LSS: variants seen among roughly 807,000 people sequenced by gnomAD.
LSS encodes lanosterol synthase.
Under a neutral mutation model 110.3 loss-of-function variants are expected in LSS, and 90 were observed. The ratio of observed to expected loss-of-function variants is 0.82; its 90% confidence interval spans 0.69 to 0.97. The LOEUF is 0.97. LSS is among the 50% of genes least tolerant of loss of function. The pLI is 0.00. For missense variants in LSS, 927 were observed against 990.0 expected (o/e 0.94, Z 0.85); for synonymous variants, 433 against 400.0 (o/e 1.08, Z -0.98).
At position 46,216,426 on chromosome 21, in the gene LSS, C is replaced by T; in HGVS notation, c.746G>A (p.Ser249Asn). 1 of 1,613,872 alleles carries T rather than the reference C, an allele frequency of 6.2e-7. No individual in the cohort carries two copies. The highest frequency in any genetic ancestry group is 8.5e-7 in the Non-Finnish European group (1 of 1,180,030). Reference sequence around the variant, plus strand: ...CTGGACCAGCGGGTCTTCCGCGGCACTCAGCCGAACGGCGTAGCAGTAGCT... The same window carrying T: ...CTGGACCAGCGGGTCTTCCGCGGCATTCAGCCGAACGGCGTAGCAGTAGCT... ...PMSYCYAVRL[S>N]AAEDPLVQSL... Residue 249 changes from serine to asparagine, a missense_variant, in exon 7 of 22, where the codon AGT becomes AAT. Physicochemically the swap from Ser to Asn is conservative, Grantham distance 46. Coordinates refer to ENST00000397728, the MANE Select transcript of LSS (RefSeq NM_002340.6). The surrounding 1 kb of genome is among the most constrained non-coding windows in gnomAD (Gnocchi z 4.2).
intron 3 of LSS, among the ~76,000 whole-genome samples, chr21:46,225,737 C>T (rs535867257): frequency 9.8e-5 from 15 of 152,286 alleles, no homozygotes; most frequent in South Asian, 2.1e-4. Context: ...CTCTCTGCCT[C>T]GGCTGCCAGG....
At chr21:46,207,635 C>T (rs1394393472) in intron 14 of LSS, 58 bp from the exon 15 acceptor site, 1 of 1,563,766 alleles carries the variant, frequency 6.4e-7, no homozygotes, top group East Asian at 2.3e-5. Flanking sequence ...GTTCTCAGAA[C>T]CTCCCCACAG....
chr21:46,220,424 A>C (rs548875720), intron 5 of LSS: 20 of 152,468 alleles, frequency 1.3e-4, no homozygotes, highest in African/African-American at 4.1e-4. Flanking sequence ...GGTCAGGAAG[A>C]GGTCCTCAAA....
At chr21:46,205,006 A>G (rs917894808) in intron 17 of LSS, among the ~76,000 whole-genome samples, 1 of 152,216 alleles carries the variant, frequency 6.6e-6, no homozygotes, top group Non-Finnish European at 1.5e-5. Flanking sequence ...AAGTAAAAAA[A>G]TGTAATCGTG....
chr21:46,206,895 A>G, intron 15 of LSS, 127 bp from the exon 16 acceptor site: 1 of 718,110 alleles, frequency 1.4e-6, no homozygotes, highest in Non-Finnish European at 2.4e-6. Context: ...CAGGGGGCGG[A>G]GAGCTGATTT....
At chr21:46,220,420 G>T (rs2080260836) in intron 5 of LSS, 1 of 152,366 alleles carries the variant, frequency 6.6e-6, no homozygotes, top group Non-Finnish European at 1.5e-5. Flanking sequence ...GGTAGGTCAG[G>T]AAGAGGTCCT....
At chr21:46,223,134 T>A (rs754996880) in intron 3 of LSS, among the ~76,000 whole-genome samples, 2 of 152,228 alleles carry the variant, frequency 1.3e-5, no homozygotes, top group African/African-American at 4.8e-5. Context: ...TGCTTTAACA[T>A]CTGCTGGGAA....
rs776090400 is a variant in LSS at position 46,215,254 on chromosome 21, G to A, written c.937C>T (p.Gln313Ter). 1.2e-6 allele frequency: 2 copies of A among 1,611,006 alleles called. No individual in the cohort carries two copies. The highest frequency in any genetic ancestry group is 1.7e-6 in the Non-Finnish European group (2 of 1,179,886). Reference protein sequence around the residue: ...YEHHHSAHLRQRAVQKLYEHI... With the variant: ...YEHHHSAHLR Reference sequence around the variant, plus strand: ...TCATACAGCTTCTGCACGGCCCGCTGCCGCAGGTGGGCACTGTGGTGGTGC... The same window carrying A: ...TCATACAGCTTCTGCACGGCCCGCTACCGCAGGTGGGCACTGTGGTGGTGC... The change falls in exon 9 of 22, where the codon CAG becomes TAG. Residue 313 changes from glutamine to a stop codon, truncating the protein, a stop_gained. Coordinates refer to ENST00000397728, the MANE Select transcript of LSS (RefSeq NM_002340.6). LOFTEE classifies it high-confidence loss of function.
Position 46,228,555 on chromosome 21 carries a change from G to T in LSS, c.59C>A (p.Thr20Asn). Residue 20 changes from threonine to asparagine, a missense_variant, in exon 2 of 22, where the codon ACC becomes AAC. By Grantham distance (65) the Thr-to-Asn change is moderately conservative. Transcript: ENST00000397728. ...GTTGAGTCGCCAGCGGCCGAGGTCG[G>T]TGGCGGGCTCGGTCTTGTAGGGGCC... ...RGGPYKTEPATDLGRWRLNCE... is the reference protein window; with the variant it reads ...RGGPYKTEPANDLGRWRLNCE... 1 of 1,596,608 alleles carries T rather than the reference G, an allele frequency of 6.3e-7. No homozygotes were observed. The highest frequency in any genetic ancestry group is 8.5e-7 in the Non-Finnish European group (1 of 1,177,718).
rs1282861223 is a variant in LSS at position 46,205,874 on chromosome 21, G to A, written c.1632C>T (p.Phe544=). 6.2e-7 allele frequency: 1 copy of A among 1,610,800 alleles called. No individual in the cohort carries two copies. Among genetic ancestry groups the A allele is most frequent in the Non-Finnish European group, 8.5e-7 (1 of 1,178,732 alleles). ...CCCTGTGCTCCGGGAAACGCTTGTG[G>A]AAATACTTAAGCGCCTGCATCACGG... The part of the protein sequence containing the change: ...TSAVMQALKY[F]HKRFPEHRAA... The change falls in exon 17 of 22, where the codon TTC becomes TTT. Residue 544 remains phenylalanine, a synonymous_variant. Coordinates refer to ENST00000397728, the MANE Select transcript of LSS (RefSeq NM_002340.6).
At chr21:46,214,501 G>C (rs1281854288) in intron 9 of LSS, among the ~76,000 whole-genome samples, 1 of 152,216 alleles carries the variant, frequency 6.6e-6, no homozygotes, top group African/African-American at 2.4e-5. Context: ...GTCAGGGTGG[G>C]ACTCAGTGGC....
At chr21:46,226,338 G>A (rs910368409) in intron 3 of LSS, among the ~76,000 whole-genome samples, 6 of 152,198 alleles carry the variant, frequency 3.9e-5, no homozygotes, top group African/African-American at 1.4e-4. Flanking sequence ...GAGGCAAAGT[G>A]GGGCTGACCC....
chr21:46,196,342 G>A, intron 17 of LSS, 75 bp from the exon 18 acceptor site: 1 of 1,205,110 alleles, frequency 8.3e-7, no homozygotes, highest in South Asian at 1.2e-5. Flanking sequence ...TCCTTTCCAG[G>A]GTCTCAAAAG....
chr21:46,215,474 T>C (rs2080191288), intron 8 of LSS, among the ~76,000 whole-genome samples, 176 bp from the exon 9 acceptor site: 2 of 109,438 alleles, frequency 1.8e-5, no homozygotes, highest in Non-Finnish European at 3.5e-5. Context: ...CCACACCTCC[T>C]ACCACACACC....
At chr21:46,222,148 G>A (rs1317761377) in intron 4 of LSS, 173 bp from the exon 5 acceptor site, 3 of 651,730 alleles carry the variant, frequency 4.6e-6, no homozygotes, top group African/African-American at 3.6e-5. Flanking sequence ...ACGAATTCAT[G>A]CACCTCCCAT....
In LSS at chr21:46,223,544, G is replaced by A. The variant is rs533788502; in HGVS notation, c.320-806C>T. ...CACCCAGGCGCCAAGGCAAGAGACC[G>A]AGGACACGAGCTGTTCCAGTATAAT... is the stretch of plus-strand genomic sequence containing the variant. On this transcript the variant is annotated intron_variant, in intron 3 of 21. Coordinates refer to ENST00000397728, the MANE Select transcript of LSS (RefSeq NM_002340.6). Among the ~76,000 whole-genome samples, 9 of 152,356 alleles carry A rather than the reference G, an allele frequency of 5.9e-5. No individual in the cohort carries two copies. The East Asian group carries it at 1.2e-3, about 20-fold the overall frequency.
rs1237424741 is a variant in LSS at position 46,213,431 on chromosome 21, A to G, written c.1109+307T>C. Among the ~76,000 whole-genome samples the G allele has an allele frequency of 3.9e-5, 6 of 152,232 alleles. No individual in the cohort carries two copies. In the East Asian group the frequency reaches 9.7e-4, roughly 25 times the overall value. On this transcript the variant is annotated intron_variant, in intron 10 of 21. Transcript: ENST00000397728. ...GACAGGGGCCCCACCTCCAGGGCAC[A>G]GTCCATGGCTGACAAGCTCCCCTTG...
In LSS at chr21:46,195,733, T is replaced by C. The variant is rs753559637; in HGVS notation, c.1760A>G (p.Tyr587Cys). ...GGCCTCCAGGCCAAACCAGGTGCCG[T>C]AGGTGAAGCAAACTCCCCAGGAGCT... ...WEGSWGVCFT[Y>C]GTWFGLEAFA... Residue 587 changes from tyrosine to cysteine, a missense_variant, in exon 19 of 22, where the codon TAC becomes TGC. Transcript: ENST00000397728. The C allele has an allele frequency of 3.7e-6, 6 of 1,613,712 alleles. No individual in the cohort carries two copies. Among genetic ancestry groups the C allele is most frequent in the Admixed American group, 1.7e-5 (1 of 60,002 alleles).
intron 5 of LSS, 187 bp downstream of exon 5, chr21:46,221,667 T>A (rs2080280634): frequency 1.3e-6 from 1 of 773,770 alleles, no homozygotes. Flanking sequence ...TGGCTCTTAA[T>A]TTGCTTTTTT....
Sources: gnomAD v4.1 joint callset for allele counts (sites outside exome capture counted in the v4.1 genomes callset) on GRCh38, gnomAD v4.1.1 for gene constraint, Gnocchi (gnomAD v3.1) non-coding constraint, MANE v1.5 for transcripts, NCBI Gene and HGNC (gene_info 2026-07-23, HGNC 2026-07-21) for gene names.